RAPH1: variants seen among roughly 807,000 people sequenced by gnomAD.
The protein encoded by RAPH1 is ras-associated and pleckstrin homology domains-containing protein 1.
In RAPH1, 18 loss-of-function variants were observed where a neutral mutation model predicts 88.1. The ratio of observed to expected loss-of-function variants is 0.20; its 90% CI spans 0.14 to 0.30. The LOEUF is 0.30. Ranked by LOEUF, RAPH1 falls within the 10% of genes least tolerant of loss-of-function variation. The pLI is 1.00. For synonymous variants in RAPH1, 587 were observed against 559.0 expected (o/e 1.05, Z -0.71); for missense variants, 1,448 against 1,543.2 (o/e 0.94, Z 1.03).
At chr2:203,442,025 A>G (rs948624204) in intron 13 of RAPH1, 1 of 1,569,108 alleles carries the variant, frequency 6.4e-7, no homozygotes, top group South Asian at 1.2e-5. Context: ...TGCATCCAAC[A>G]TGCACAGAAG....
At chr2:203,441,899 T>A in intron 13 of RAPH1, 2 of 1,349,968 alleles carry the variant, frequency 1.5e-6, no homozygotes, top group Non-Finnish European at 1.9e-6. Flanking sequence ...GGAATGAGGA[T>A]GGCTTTTTGA....
intron 4 of RAPH1, among the ~76,000 whole-genome samples, chr2:203,467,555 C>T (rs1262360612): frequency 6.6e-6 from 1 of 151,930 alleles, no homozygotes; most frequent in Non-Finnish European, 1.5e-5. Context: ...GCCAAGATGG[C>T]ACCACTGCAC....
At chr2:203,495,395 G>A in intron 1 of RAPH1, 42 bp from the exon 2 acceptor site, 1 of 1,606,010 alleles carries the variant, frequency 6.2e-7, no homozygotes, top group South Asian at 1.1e-5. Flanking sequence ...GTAAGTTACA[G>A]GTTTAACTTG....
chr2:203,523,392 CA>C lies in RAPH1; in HGVS notation c.-1+11718del, dbSNP rs372951126. Among the ~76,000 whole-genome samples the C allele has an allele frequency of 2.7e-3, 266 of 99,346 alleles. 1 individual carries two copies. Among genetic ancestry groups the C allele is most frequent in the Middle Eastern group, 6.8e-3 (1 of 146 alleles). 65.2% of individuals were successfully genotyped at this position (99,346 alleles called of 152,430 possible). On this transcript the variant is annotated intron_variant, in intron 1 of 13. Transcript: ENST00000319170. ...TGGGTGAAAGAGCGAGACTCTGTCT[CA>C]AAAAAAAAAAAAAACCACGTCAGAA... is the stretch of plus-strand genomic sequence containing the variant.
In RAPH1 at chr2:203,437,926, T is replaced by C; in HGVS notation, c.*1511A>G. On this transcript the variant is annotated 3_prime_UTR_variant, in exon 14 of 14. Coordinates refer to ENST00000319170, the MANE Select transcript of RAPH1 (RefSeq NM_213589.3). ...CATTTTTATTCTCTTGTTTAGGAGCTGCTCTGAGATTGTTTTATTCCTAAT... is the reference window on the plus strand; with the variant it reads ...CATTTTTATTCTCTTGTTTAGGAGCCGCTCTGAGATTGTTTTATTCCTAAT... 3.4e-6 allele frequency: 1 copy of C among 293,778 alleles called. No homozygotes were observed. The highest frequency in any genetic ancestry group is 9.8e-5 in the East Asian group (1 of 10,186). The allele number at this position is 293,778 out of a possible 1,614,324, so 18.2% of individuals were successfully genotyped here.
At chr2:203,468,322 C>A (rs1313675699) in intron 4 of RAPH1, among the ~76,000 whole-genome samples, 1 of 152,154 alleles carries the variant, frequency 6.6e-6, no homozygotes, top group African/African-American at 2.4e-5. Context: ...GACACTTGTA[C>A]TTTCACTCAA....
chr2:203,473,443 A>G (rs1243116739), intron 4 of RAPH1, among the ~76,000 whole-genome samples: 2 of 152,134 alleles, frequency 1.3e-5, no homozygotes, highest in African/African-American at 4.8e-5. Context: ...GACTAAGGAG[A>G]GTAAATTATG....
chr2:203,447,001 C>T (rs928910433), intron 12 of RAPH1: 1 of 151,984 alleles, frequency 6.6e-6, no homozygotes, highest in Non-Finnish European at 1.5e-5. Context: ...ATCCCTTAAC[C>T]TAGGCCTCCC....
rs1451529110 is a variant in RAPH1 at position 203,437,181 on chromosome 2, CAT to C, written c.*2254_*2255del. 5 of 152,122 alleles carry C rather than the reference CAT, an allele frequency of 3.3e-5. No homozygotes were observed. The highest frequency in any genetic ancestry group is 2.0e-4 in the Admixed American group (3 of 15,266). The allele number at this position is 152,122 out of a possible 1,614,324, so 9.4% of individuals were successfully genotyped here. On this transcript the variant is annotated 3_prime_UTR_variant, in exon 14 of 14. Transcript: ENST00000319170. ...ATTCCAAGAAATCCTGCACTGAAAA[CAT>C]AAAGGCTGTTGTTTTAGGGCTCAAA...
rs1559495239 is a variant in RAPH1, at chr2:203,506,900, T to TATA, written c.1-11548_1-11547insTAT. Among the ~76,000 whole-genome samples, 214 of 91,598 alleles carry TATA rather than the reference T, an allele frequency of 2.3e-3. 8 individuals carry two copies. Among genetic ancestry groups the TATA allele is most frequent in the Non-Finnish European group, 3.3e-3 (168 of 50,638 alleles). The allele number at this position is 91,598 out of a possible 152,430, so 60.1% of individuals were successfully genotyped here. ...TATATAGATATATATATATATATATTTTTTTTTTTTTTGAGATGAACTTTC... is the reference window on the plus strand; with the variant it reads ...TATATAGATATATATATATATATATTATATTTTTTTTTTTTGAGATGAACTTTC... On this transcript the variant is annotated intron_variant, in intron 1 of 13. Coordinates refer to ENST00000319170, the MANE Select transcript of RAPH1 (RefSeq NM_213589.3).
chr2:203,491,916 T>C (rs187705773), intron 2 of RAPH1, among the ~76,000 whole-genome samples: 9 of 152,320 alleles, frequency 5.9e-5, no homozygotes. Context: ...CACTATAAAA[T>C]AAGTGAGGTA....
At position 203,448,801 on chromosome 2, in the gene RAPH1, T is replaced by C; in HGVS notation, c.1449A>G (p.Lys483=). 6.2e-7 allele frequency: 1 copy of C among 1,611,538 alleles called. No individual in the cohort carries two copies. The highest frequency in any genetic ancestry group is 8.5e-7 in the Non-Finnish European group (1 of 1,179,064). ...TCCTCACATCATCACAACAAAGGTATTTGATATATTGAGATTTCTTCTGGA... is the reference window on the plus strand; with the variant it reads ...TCCTCACATCATCACAACAAAGGTACTTGATATATTGAGATTTCTTCTGGA... The part of the protein sequence containing the change: ...PQIQKKSQYI[K]YLCCDDVRTL... The change falls in exon 11 of 14, where the codon AAA becomes AAG. Residue 483 remains lysine, a synonymous_variant. Transcript: ENST00000319170. The surrounding 1 kb of genome is among the most constrained non-coding windows in gnomAD (Gnocchi z 4.1).
chr2:203,535,055 C>T (rs1690555785), intron 1 of RAPH1, 56 bp downstream of exon 1: 1 of 152,074 alleles, frequency 6.6e-6, no homozygotes, highest in South Asian at 2.1e-4. Flanking sequence ...GCCTCACGGC[C>T]CCGCGCCCAG....
At chr2:203,482,622 A>G (rs1005520901) in intron 4 of RAPH1, among the ~76,000 whole-genome samples, 2 of 152,168 alleles carry the variant, frequency 1.3e-5, no homozygotes, top group African/African-American at 4.8e-5. Flanking sequence ...TTTTAAAAAT[A>G]CACTGTCATG....
chr2:203,491,552 G>A (rs1212282925), intron 2 of RAPH1, among the ~76,000 whole-genome samples: 3 of 151,488 alleles, frequency 2.0e-5, no homozygotes, highest in African/African-American at 4.9e-5. Context: ...ATGAAGTCTC[G>A]TCCTGTCACC....
chr2:203,464,775 AG>A (rs35193457), intron 4 of RAPH1, among the ~76,000 whole-genome samples: 10,834 of 152,024 alleles, frequency 0.071, 618 homozygotes, highest in African/African-American at 0.16. Context: ...ATAAAAAAAA[AG>A]AGAGAGAGAG....
At chr2:203,481,601 T>C (rs1480150589) in intron 4 of RAPH1, among the ~76,000 whole-genome samples, 2 of 143,532 alleles carry the variant, frequency 1.4e-5, no homozygotes, top group African/African-American at 5.1e-5. Flanking sequence ...ATATACACAT[T>C]TTTTTTTTGA....
intron 4 of RAPH1, among the ~76,000 whole-genome samples, chr2:203,478,770 T>A (rs1289732250): frequency 6.6e-6 from 1 of 152,180 alleles, no homozygotes; most frequent in African/African-American, 2.4e-5. Context: ...ATTACAGGCG[T>A]GAGCCACTGC....
rs2098498969 is a variant in RAPH1 at position 203,436,926 on chromosome 2, A to G, written c.*2511T>C. ...TTTAGTGGTTTTTTAAATTCAGTTCATACATGAGGTTAAAACATTTTTAAT... is the reference window on the plus strand; with the variant it reads ...TTTAGTGGTTTTTTAAATTCAGTTCGTACATGAGGTTAAAACATTTTTAAT... On this transcript the variant is annotated 3_prime_UTR_variant, in exon 14 of 14. Transcript: ENST00000319170. 1 of 152,250 alleles carries G rather than the reference A, an allele frequency of 6.6e-6. No individual in the cohort carries two copies. The allele number at this position is 152,250 out of a possible 1,614,324, so 9.4% of individuals were successfully genotyped here.
Sources: gnomAD v4.1 joint callset for allele counts (sites outside exome capture counted in the v4.1 genomes callset) on GRCh38, gnomAD v4.1.1 for gene constraint, Gnocchi (gnomAD v3.1) non-coding constraint, MANE v1.5 for transcripts, NCBI Gene and HGNC (gene_info 2026-07-23, HGNC 2026-07-21) for gene names.